Variants in MYLK4 observed in about 807,000 individuals in gnomAD.
MYLK4 encodes the protein myosin light chain kinase family member 4.
Under a neutral mutation model 48.1 loss-of-function variants are expected in MYLK4, and 46 were observed. The observed-to-expected ratio is 0.96, with a 90% CI of 0.75 to 1.22. MYLK4 has a LOEUF of 1.22. Ranked by LOEUF, MYLK4 falls within the 50% of genes most tolerant of loss-of-function variation. The pLI, the probability that MYLK4 is intolerant of heterozygous loss-of-function variation, is 0.00. For synonymous variants in MYLK4, 170 were observed against 180.8 expected (o/e 0.94, Z 0.48); for missense variants, 451 against 486.1 (o/e 0.93, Z 0.68).
At chr6:2,677,181 A>G (rs1237296983) in intron 10 of MYLK4, among the ~76,000 whole-genome samples, 1 of 152,092 alleles carries the variant, frequency 6.6e-6, no homozygotes, top group Non-Finnish European at 1.5e-5. Context: ...AAAAATATCT[A>G]TCCCTTTTAT....
chr6:2,694,352 C>G (rs943608172), intron 2 of MYLK4, among the ~76,000 whole-genome samples: 3 of 151,258 alleles, frequency 2.0e-5, no homozygotes, highest in Non-Finnish European at 2.9e-5. Flanking sequence ...CCTTATAACA[C>G]TTTAAGCCTT....
At chr6:2,729,301 A>C (rs1763393498) in intron 2 of MYLK4, among the ~76,000 whole-genome samples, 1 of 152,236 alleles carries the variant, frequency 6.6e-6, no homozygotes, top group East Asian at 1.9e-4. Flanking sequence ...CAGGAGGATG[A>C]GGAAAGACAG....
chr6:2,717,411 A>G (rs1554130636), intron 2 of MYLK4, among the ~76,000 whole-genome samples: 1 of 152,206 alleles, frequency 6.6e-6, no homozygotes, highest in Non-Finnish European at 1.5e-5. Context: ...CAGGCCTCAC[A>G]CCTCTCGAAA....
At chr6:2,698,005 C>T (rs1017166234) in intron 2 of MYLK4, among the ~76,000 whole-genome samples, 1 of 152,226 alleles carries the variant, frequency 6.6e-6, no homozygotes, top group Non-Finnish European at 1.5e-5. Flanking sequence ...TGCATCCCTG[C>T]CACGGTGGCT....
At chr6:2,698,593 T>G (rs1450445966) in intron 2 of MYLK4, among the ~76,000 whole-genome samples, 1 of 152,176 alleles carries the variant, frequency 6.6e-6, no homozygotes, top group African/African-American at 2.4e-5. Flanking sequence ...TCTAGAAATA[T>G]CTAAACAAAA....
At chr6:2,753,554 A>G (rs1582138540), upstream of MYLK4, among the ~76,000 whole-genome samples, 1 of 152,240 alleles carries the variant, frequency 6.6e-6, no homozygotes, top group Non-Finnish European at 1.5e-5. Context: ...CCTTTGAAAA[A>G]ACACTATTAG....
At chr6:2,766,380 G>C in the MYLK4 span, 2 of 1,608,432 alleles carry the variant, frequency 1.2e-6, no homozygotes, top group Admixed American at 3.4e-5. Flanking sequence ...ACCCTGCTGC[G>C]CTCGCTCCTG....
chr6:2,734,313 G>T (rs988100798), intron 2 of MYLK4, among the ~76,000 whole-genome samples: 3 of 152,180 alleles, frequency 2.0e-5, no homozygotes, highest in African/African-American at 7.2e-5. Context: ...GTCTGTCAGC[G>T]TCTGTCACAG....
chr6:2,718,389 T>TA (rs1253462928), intron 2 of MYLK4, among the ~76,000 whole-genome samples: 1 of 152,226 alleles, frequency 6.6e-6, no homozygotes, highest in Non-Finnish European at 1.5e-5. Context: ...GATACCTGGA[T>TA]AATGTGCTCT....
At chr6:2,711,508 A>G (rs532190961) in intron 2 of MYLK4, among the ~76,000 whole-genome samples, 2 of 152,358 alleles carry the variant, frequency 1.3e-5, no homozygotes, top group African/African-American at 4.8e-5. Context: ...CTATGGCTCA[A>G]TAAAGATAAA....
At chr6:2,756,051 G>A in the MYLK4 span, among the ~76,000 whole-genome samples, 1 of 152,116 alleles carries the variant, frequency 6.6e-6, no homozygotes, top group South Asian at 2.1e-4. Context: ...AATAACTTGT[G>A]GGAATTTATA....
chr6:2,675,218 G>A, intron 10 of MYLK4, 93 bp from the exon 11 acceptor site: 2 of 884,678 alleles, frequency 2.3e-6, no homozygotes, highest in South Asian at 1.4e-5. Context: ...GCCTTCGGGA[G>A]ACCAGATGGC....
upstream of MYLK4, among the ~76,000 whole-genome samples, chr6:2,752,865 G>C (rs1024796920): frequency 3.9e-5 from 6 of 152,140 alleles, no homozygotes; most frequent in Non-Finnish European, 7.3e-5. Context: ...TGATTGTCTG[G>C]TTCTGCTGCA....
the MYLK4 span, chr6:2,766,023 C>T: frequency 3.8e-6 from 5 of 1,324,932 alleles, no homozygotes; most frequent in Non-Finnish European, 4.8e-6. Context: ...TCCAGCAGCC[C>T]CGGGAGGAAG....
At chr6:2,720,339 G>T (rs1258546952) in intron 2 of MYLK4, among the ~76,000 whole-genome samples, 1 of 152,066 alleles carries the variant, frequency 6.6e-6, no homozygotes, top group African/African-American at 2.4e-5. Context: ...GGGAGGCAGA[G>T]GTTGCAGTGA....
chr6:2,706,871 C>T (rs1462384489), intron 2 of MYLK4, among the ~76,000 whole-genome samples: 1 of 152,206 alleles, frequency 6.6e-6, no homozygotes, highest in African/African-American at 2.4e-5. Flanking sequence ...AACACATGAT[C>T]ACAGATGGAA....
chr6:2,696,237 A>G (rs575408796), intron 2 of MYLK4, among the ~76,000 whole-genome samples: 20 of 152,228 alleles, frequency 1.3e-4, no homozygotes, highest in Non-Finnish European at 2.6e-4. Context: ...AGTGGGATAT[A>G]CGTACCCAGG....
chr6:2,701,884 T>A (rs777301511), intron 2 of MYLK4, among the ~76,000 whole-genome samples: 6 of 152,188 alleles, frequency 3.9e-5, no homozygotes, highest in Non-Finnish European at 8.8e-5. Context: ...ATATACGTCA[T>A]GAATTGGTGC....
chr6:2,742,401 A>G (rs1214030980), intron 2 of MYLK4, among the ~76,000 whole-genome samples: 1 of 152,098 alleles, frequency 6.6e-6, no homozygotes, highest in East Asian at 1.9e-4. Flanking sequence ...TCATGCTGCT[A>G]TAAAGACACA....
Sources: allele counts gnomAD v4.1 joint callset (sites outside exome capture counted in the v4.1 genomes callset), GRCh38; gene constraint gnomAD v4.1.1; transcripts MANE v1.5; gene names NCBI Gene and HGNC (gene_info 2026-07-23, HGNC 2026-07-21).